UST: variants seen among roughly 807,000 people sequenced by gnomAD.
UST encodes the protein chondroitin sulfate 2-O-sulfotransferase.
In UST, 21 loss-of-function variants were observed where a neutral mutation model predicts 45.6. That is an observed-to-expected ratio of 0.46 (90% confidence interval 0.33 to 0.66). The LOEUF is 0.66. Ranked by LOEUF, UST falls within the 30% of genes least tolerant of loss-of-function variation. The pLI, the probability that UST is intolerant of heterozygous loss-of-function variation, is 0.02. For missense variants in UST, 463 were observed against 512.4 expected (o/e 0.90, Z 0.93); for synonymous variants, 215 against 200.6 (o/e 1.07, Z -0.61).
chr6:148,964,394 T>C lies in UST; in HGVS notation c.528-16T>C. On this transcript the variant is annotated splice_polypyrimidine_tract_variant and intron_variant, in intron 4 of 7. Coordinates refer to ENST00000367463, the MANE Select transcript of UST (RefSeq NM_005715.3). The stretch of plus-strand genomic sequence containing the variant: ...CCTGCAGTGATGGGTTGTAACGAAC[T>C]CAATGTTTGTGTTAGGTTTGGAGGA... 6.2e-7 allele frequency: 1 copy of C among 1,613,860 alleles called. No homozygotes were observed. Among genetic ancestry groups the C allele is most frequent in the Non-Finnish European group, 8.5e-7 (1 of 1,179,750 alleles).
At chr6:148,807,429 C>G (rs1303918918) in intron 1 of UST, among the ~76,000 whole-genome samples, 1 of 152,148 alleles carries the variant, frequency 6.6e-6, no homozygotes, top group African/African-American at 2.4e-5. Flanking sequence ...ACCATGTGGT[C>G]ATTAACAAGT....
chr6:148,907,907 T>C, intron 2 of UST, among the ~76,000 whole-genome samples: 1 of 126,442 alleles, frequency 7.9e-6, no homozygotes, highest in African/African-American at 3.2e-5. Context: ...CAGGGCTTTT[T>C]TTTTTTTTTT....
intron 2 of UST, among the ~76,000 whole-genome samples, chr6:148,911,471 G>T (rs17054267): frequency 0.091 from 13,883 of 152,132 alleles, 784 homozygotes; most frequent in African/African-American, 0.14. Flanking sequence ...GTTGACTGAC[G>T]GAACCTTTGT....
At chr6:149,061,086 CA>C (rs1776648316) in intron 7 of UST, among the ~76,000 whole-genome samples, 1 of 151,936 alleles carries the variant, frequency 6.6e-6, no homozygotes, top group Non-Finnish European at 1.5e-5. Flanking sequence ...AAATACACTG[CA>C]AGTTGGTGGT....
At chr6:148,865,476 T>G (rs112799372) in intron 1 of UST, among the ~76,000 whole-genome samples, 2,045 of 152,310 alleles carry the variant, frequency 0.013, 30 homozygotes, top group Admixed American at 0.025. Flanking sequence ...TAAATTCCTT[T>G]TTCTTTTTGG....
intron 5 of UST, among the ~76,000 whole-genome samples, chr6:149,011,912 A>G (rs1169653394): frequency 5.1e-5 from 2 of 38,974 alleles, no homozygotes; most frequent in African/African-American, 1.8e-4. Context: ...TGAAAAAGAA[A>G]CGAAATAATT....
chr6:148,858,660 AC>A (rs1009086353), intron 1 of UST, among the ~76,000 whole-genome samples: 2 of 151,482 alleles, frequency 1.3e-5, no homozygotes, highest in African/African-American at 4.9e-5. Flanking sequence ...GCCCCACCCC[AC>A]AACAGGCCCG....
At chr6:149,019,056 A>G in intron 5 of UST, 83 bp from the exon 6 acceptor site, 2 of 1,046,214 alleles carry the variant, frequency 1.9e-6, no homozygotes, top group South Asian at 2.6e-5. Context: ...TAATTCAATC[A>G]TGAATTTTAC....
intron 1 of UST, among the ~76,000 whole-genome samples, chr6:148,798,608 A>G (rs977324025): frequency 2.0e-5 from 3 of 152,108 alleles, no homozygotes; most frequent in Non-Finnish European, 4.4e-5. Flanking sequence ...GACCACTCAT[A>G]TTTAAGTGAT....
intron 5 of UST, among the ~76,000 whole-genome samples, chr6:148,988,358 G>A (rs746508618): frequency 2.0e-5 from 3 of 152,028 alleles, no homozygotes; most frequent in Non-Finnish European, 4.4e-5. Context: ...TGAATCACTT[G>A]AGGCCAGGAG....
At chr6:149,017,637 A>G (rs923388625) in intron 5 of UST, among the ~76,000 whole-genome samples, 4 of 152,182 alleles carry the variant, frequency 2.6e-5, no homozygotes, top group Non-Finnish European at 4.4e-5. Flanking sequence ...ACTTTTCAGG[A>G]TAGCACACAC....
chr6:148,816,226 C>T (rs984749386), intron 1 of UST, among the ~76,000 whole-genome samples: 24 of 152,116 alleles, frequency 1.6e-4, no homozygotes, highest in African/African-American at 5.3e-4. Context: ...ACCACAGTCC[C>T]CTGATTGGTC....
At chr6:148,842,439 G>C (rs191351837) in intron 1 of UST, among the ~76,000 whole-genome samples, 139 of 152,294 alleles carry the variant, frequency 9.1e-4, no homozygotes, top group African/African-American at 3.2e-3. Context: ...TGCAAAAACT[G>C]GTTTTAGCTG....
intron 7 of UST, among the ~76,000 whole-genome samples, chr6:149,065,417 T>C (rs1776717633): frequency 6.6e-6 from 1 of 152,184 alleles, no homozygotes; most frequent in Non-Finnish European, 1.5e-5. Context: ...AAGACACACA[T>C]CCATATGTCT....
chr6:148,754,659 A>T (rs1423913036), intron 1 of UST, among the ~76,000 whole-genome samples: 4 of 152,230 alleles, frequency 2.6e-5, no homozygotes, highest in African/African-American at 7.2e-5. Flanking sequence ...TATTCTTAAC[A>T]GTAGACCCTT....
At chr6:148,894,826 T>TTTTC (rs1554224140) in intron 2 of UST, among the ~76,000 whole-genome samples, 3,040 of 138,360 alleles carry the variant, frequency 0.022, 171 homozygotes, top group African/African-American at 0.078. Context: ...TTTTTTTTTT[T>TTTTC]TTTTTTTTTT....
At chr6:148,947,564 G>T (rs970697362) in intron 3 of UST, among the ~76,000 whole-genome samples, 2 of 152,136 alleles carry the variant, frequency 1.3e-5, no homozygotes, top group East Asian at 3.9e-4. Context: ...CCTTTACTAC[G>T]CTAGGAAAAT....
rs62426097 is a variant in UST, at chr6:148,878,703, G to T, written c.248-8283G>T. ...ATGAGTGCGGGGGTCGTGTGTGAGT[G>T]CGGAGGTCGTGTATGAGTGCAGGGG... is the stretch of plus-strand genomic sequence containing the variant. On this transcript the variant is annotated intron_variant, in intron 1 of 7. Transcript: ENST00000367463. Among the ~76,000 whole-genome samples, 103 of 52,010 alleles carry T rather than the reference G, an allele frequency of 2.0e-3. 6 individuals are homozygous for T. In the South Asian group the frequency reaches 0.061, roughly 31 times the overall value. The allele number at this position is 52,010 out of a possible 152,430, so 34.1% of individuals were successfully genotyped here.
intron 1 of UST, among the ~76,000 whole-genome samples, chr6:148,823,917 A>C (rs568860313): frequency 1.3e-5 from 2 of 152,208 alleles, no homozygotes; most frequent in Non-Finnish European, 2.9e-5. Flanking sequence ...TTTTCGTGTC[A>C]CTTATAAATA....
Sources: gnomAD v4.1 joint callset for allele counts (sites outside exome capture counted in the v4.1 genomes callset) on GRCh38, gnomAD v4.1.1 for gene constraint, MANE v1.5 for transcripts, NCBI Gene and HGNC (gene_info 2026-07-23, HGNC 2026-07-21) for gene names.